The following ADGRL2 variants were observed in gnomAD, a reference collection of about 807,000 sequenced individuals.
ADGRL2 encodes calcium-independent alpha-latrotoxin receptor 2.
In ADGRL2, 44 loss-of-function variants were observed where a neutral mutation model predicts 157.4. That is an observed-to-expected ratio of 0.28 (90% confidence interval 0.22 to 0.36). The LOEUF is 0.36. Ranked by LOEUF, ADGRL2 falls within the 10% of genes least tolerant of loss-of-function variation. The pLI is 1.00. For missense variants in ADGRL2, 1,510 were observed against 1,768.9 expected (o/e 0.85, Z 2.63); for synonymous variants, 585 against 624.7 (o/e 0.94, Z 0.95).
chr1:81,893,350 G>A (rs2094312394), intron 2 of ADGRL2, among the ~76,000 whole-genome samples: 1 of 113,046 alleles, frequency 8.8e-6, no homozygotes, highest in Non-Finnish European at 2.2e-5. Context: ...GAATAGTACA[G>A]GAACTTTTTT....
chr1:81,732,388 TTA>T (rs552056927), intron 1 of ADGRL2, among the ~76,000 whole-genome samples: 192 of 152,338 alleles, frequency 1.3e-3, no homozygotes, highest in Non-Finnish European at 2.2e-3. Context: ...TGTTCTTCCT[TTA>T]TGTCTTAGAG....
intron 3 of ADGRL2, among the ~76,000 whole-genome samples, chr1:81,632,582 C>G (rs1306031178): frequency 1.3e-5 from 2 of 152,056 alleles, no homozygotes; most frequent in African/African-American, 4.8e-5. Flanking sequence ...CATGGTGAAA[C>G]CCCGTCTCTA....
In ADGRL2 at chr1:81,399,181, C is replaced by T. The variant is rs1368945630; in HGVS notation, c.-301-45855C>T. Among the ~76,000 whole-genome samples, 20 of 152,180 alleles carry T rather than the reference C, an allele frequency of 1.3e-4. No individual in the cohort carries two copies. In the East Asian group the frequency reaches 3.7e-3, roughly 28 times the overall value. On this transcript the variant is annotated intron_variant, in intron 1 of 24. Transcript: ENST00000370721. ...GACACACACTTTTAAACTATCAGAT[C>T]TCATGAGAACTTACTCAGGATCATG...
chr1:81,846,282 A>C (rs1479791894), intron 2 of ADGRL2, among the ~76,000 whole-genome samples: 1 of 151,302 alleles, frequency 6.6e-6, no homozygotes, highest in Middle Eastern at 3.3e-3. Flanking sequence ...GACTGTTCTG[A>C]ATCCAGTAAT....
intron 2 of ADGRL2, among the ~76,000 whole-genome samples, chr1:81,580,103 T>G (rs937903622): frequency 6.6e-6 from 1 of 152,190 alleles, no homozygotes; most frequent in African/African-American, 2.4e-5. Context: ...CGTTTGTGGT[T>G]GAAAACTGAA....
At chr1:81,864,259 GT>G (rs1280521505) in intron 2 of ADGRL2, among the ~76,000 whole-genome samples, 1 of 151,868 alleles carries the variant, frequency 6.6e-6, no homozygotes, top group African/African-American at 2.4e-5. Context: ...CAAGCAAGAA[GT>G]TTTTTTTAAA....
At chr1:81,327,046 A>C (rs1050557598) in intron 1 of ADGRL2, among the ~76,000 whole-genome samples, 2 of 152,196 alleles carry the variant, frequency 1.3e-5, no homozygotes, top group Non-Finnish European at 2.9e-5. Context: ...AAATGCTTAG[A>C]AATGAAATGA....
chr1:81,953,775 G>A (rs898914658), intron 10 of ADGRL2, among the ~76,000 whole-genome samples: 8 of 152,070 alleles, frequency 5.3e-5, no homozygotes, highest in Admixed American at 4.6e-4. Flanking sequence ...TTCCTTTTGG[G>A]GAGATATTAC....
chr1:81,612,514 T>C (rs1392054412), intron 3 of ADGRL2, among the ~76,000 whole-genome samples: 2 of 152,140 alleles, frequency 1.3e-5, no homozygotes, highest in Non-Finnish European at 2.9e-5. Flanking sequence ...AGAGAATGGC[T>C]CAGTCAAAGT....
chr1:81,670,946 G>A (rs1486439816), intron 3 of ADGRL2, among the ~76,000 whole-genome samples: 2 of 152,194 alleles, frequency 1.3e-5, no homozygotes, highest in East Asian at 3.9e-4. Context: ...CTGAGCTAAA[G>A]TGATCCAGCC....
chr1:81,344,615 G>A (rs1373624095), intron 1 of ADGRL2, among the ~76,000 whole-genome samples: 13 of 136,244 alleles, frequency 9.5e-5, no homozygotes, highest in African/African-American at 3.4e-4. Flanking sequence ...GCAGTGAGCC[G>A]AGATCATGCC....
At chr1:81,306,315 TG>T (rs1025416112) in exon 1 of ADGRL2, 8 of 152,258 alleles carry the variant, frequency 5.3e-5, no homozygotes, top group African/African-American at 1.4e-4. Flanking sequence ...TCTCAATGCC[TG>T]GTTCACAGAG....
At chr1:81,802,722 C>T (rs2088443769) in intron 1 of ADGRL2, among the ~76,000 whole-genome samples, 1 of 152,170 alleles carries the variant, frequency 6.6e-6, no homozygotes, top group Non-Finnish European at 1.5e-5. Context: ...CCGCTTTGCC[C>T]TCCGGTCCCG....
intron 2 of ADGRL2, among the ~76,000 whole-genome samples, chr1:81,491,033 G>A (rs1206990922): frequency 6.6e-6 from 1 of 152,134 alleles, no homozygotes; most frequent in Non-Finnish European, 1.5e-5. Flanking sequence ...GATGCCAATA[G>A]CATTTCCCTA....
intron 1 of ADGRL2, among the ~76,000 whole-genome samples, chr1:81,719,819 G>A (rs1035185878): frequency 5.3e-5 from 8 of 152,042 alleles, no homozygotes; most frequent in Non-Finnish European, 8.8e-5. Flanking sequence ...GACTCAGAGC[G>A]TTTTTTGAAC....
chr1:81,839,340 C>A (rs1365497871), intron 2 of ADGRL2, among the ~76,000 whole-genome samples: 2 of 151,904 alleles, frequency 1.3e-5, no homozygotes, highest in Non-Finnish European at 2.9e-5. Flanking sequence ...CAAAAATACA[C>A]AAGGAAAAAT....
At chr1:81,468,550 A>C (rs2078107472) in intron 2 of ADGRL2, among the ~76,000 whole-genome samples, 2 of 152,208 alleles carry the variant, frequency 1.3e-5, no homozygotes, top group Non-Finnish European at 2.9e-5. Context: ...TTAAAAGCAA[A>C]GCTAAAGAAG....
rs139010368 is a variant in ADGRL2 at position 81,312,434 on chromosome 1, G to C, written c.-302+5925G>C. Among the ~76,000 whole-genome samples, 853 of 152,286 alleles carry C rather than the reference G, an allele frequency of 5.6e-3. 9 individuals carry two copies. Among genetic ancestry groups the C allele is most frequent in the African/African-American group, 0.019 (802 of 41,550 alleles). The stretch of plus-strand genomic sequence containing the variant: ...GCTGGCAGGAGCAAAACAGAAAAAG[G>C]AGTTTGGGGTTCACAAACGTGGATA... On this transcript the variant is annotated intron_variant, in intron 1 of 24. Transcript: ENST00000370721.
intron 2 of ADGRL2, among the ~76,000 whole-genome samples, chr1:81,877,351 GTTTT>G (rs1252768674): frequency 6.6e-6 from 1 of 152,002 alleles, no homozygotes; most frequent in African/African-American, 2.4e-5. Flanking sequence ...TCTGTGCTTT[GTTTT>G]ACATATCTTT....
Sources: gnomAD v4.1 joint callset for allele counts (sites outside exome capture counted in the v4.1 genomes callset) on GRCh38, gnomAD v4.1.1 for gene constraint, MANE v1.5 for transcripts, NCBI Gene and HGNC (gene_info 2026-07-23, HGNC 2026-07-21) for gene names.